Variants in SCFD2 observed in about 807,000 individuals in gnomAD.
The protein encoded by SCFD2 is sec1 family domain-containing protein 2.
Under a neutral mutation model 58.9 loss-of-function variants are expected in SCFD2, and 54 were observed. The ratio of observed to expected loss-of-function variants is 0.92; its 90% CI spans 0.74 to 1.15. SCFD2 has a LOEUF of 1.15. Among genes scored for constraint, SCFD2 ranks in the 50% most tolerant of loss-of-function variants. The pLI, the probability that SCFD2 is intolerant of heterozygous loss-of-function variation, is 0.00. For synonymous variants in SCFD2, 321 were observed against 335.9 expected (o/e 0.96, Z 0.49); for missense variants, 805 against 836.6 (o/e 0.96, Z 0.47).
At chr4:53,138,254 A>G (rs1726002632) in intron 5 of SCFD2, among the ~76,000 whole-genome samples, 1 of 152,194 alleles carries the variant, frequency 6.6e-6, no homozygotes, top group South Asian at 2.1e-4. Context: ...TCAAGGATGG[A>G]TGATTTGCCC....
At chr4:53,137,964 C>G (rs73143436) in intron 5 of SCFD2, among the ~76,000 whole-genome samples, 1,761 of 152,254 alleles carry the variant, frequency 0.012, 45 homozygotes, top group African/African-American at 0.04. Context: ...CTAGACTGGC[C>G]AGAGCCCCCA....
chr4:53,041,448 ATTACAT>A (rs1328552529), intron 5 of SCFD2, among the ~76,000 whole-genome samples: 1 of 152,222 alleles, frequency 6.6e-6, no homozygotes, highest in Non-Finnish European at 1.5e-5. Context: ...ATAAATCAAC[ATTACAT>A]TTACCTGTTT....
intron 4 of SCFD2, among the ~76,000 whole-genome samples, chr4:53,233,462 T>C (rs1419374366): frequency 6.6e-6 from 1 of 152,216 alleles, no homozygotes; most frequent in Non-Finnish European, 1.5e-5. Flanking sequence ...AGTAAACCCA[T>C]GAAATGGTAA....
intron 5 of SCFD2, among the ~76,000 whole-genome samples, chr4:52,984,378 C>T (rs1443579493): frequency 6.6e-6 from 1 of 152,144 alleles, no homozygotes; most frequent in African/African-American, 2.4e-5. Context: ...AACACTGTGC[C>T]ACAAAGCCAT....
At chr4:53,299,505 C>G (rs1177517797) in intron 3 of SCFD2, among the ~76,000 whole-genome samples, 1 of 152,122 alleles carries the variant, frequency 6.6e-6, no homozygotes, top group African/African-American at 2.4e-5. Flanking sequence ...AGAATGGAAC[C>G]AAGTTGGAAA....
At chr4:53,049,677 G>A (rs1723136273) in intron 5 of SCFD2, among the ~76,000 whole-genome samples, 2 of 152,110 alleles carry the variant, frequency 1.3e-5, no homozygotes, top group Non-Finnish European at 2.9e-5. Flanking sequence ...TGAATGGAAG[G>A]CATGCATCAG....
intron 4 of SCFD2, among the ~76,000 whole-genome samples, chr4:53,222,049 G>C (rs567418208): frequency 3.7e-4 from 57 of 152,264 alleles, no homozygotes; most frequent in South Asian, 8.3e-4. Context: ...TTTTCCATTA[G>C]GCTTATGACT....
chr4:53,108,390 G>C (rs899385306), intron 5 of SCFD2, among the ~76,000 whole-genome samples: 1 of 152,002 alleles, frequency 6.6e-6, no homozygotes, highest in African/African-American at 2.4e-5. Context: ...AGGAGATATA[G>C]AGACACGAAA....
At chr4:53,273,346 T>C (rs751952113) in intron 4 of SCFD2, among the ~76,000 whole-genome samples, 2 of 152,210 alleles carry the variant, frequency 1.3e-5, no homozygotes, top group Non-Finnish European at 2.9e-5. Context: ...CTATCCCACA[T>C]ACAAATATCT....
intron 5 of SCFD2, among the ~76,000 whole-genome samples, chr4:52,994,783 A>G (rs930808728): frequency 1.3e-5 from 2 of 152,206 alleles, no homozygotes; most frequent in African/African-American, 4.8e-5. Context: ...CTCATTAACA[A>G]CAGGAAAAAA....
chr4:53,212,575 C>CGTGTGTGTGTGTGTGT (rs72335886), intron 4 of SCFD2, among the ~76,000 whole-genome samples: 21 of 142,242 alleles, frequency 1.5e-4, no homozygotes, highest in Middle Eastern at 3.5e-3. Flanking sequence ...AAAGTGAGCA[C>CGTGTGTGTGTGTGTGT]GTGTGTGTGT....
chr4:52,971,860 T>A (rs889808980), intron 5 of SCFD2, among the ~76,000 whole-genome samples: 1 of 152,198 alleles, frequency 6.6e-6, no homozygotes, highest in Non-Finnish European at 1.5e-5. Context: ...GGGGCCAATA[T>A]TCAACATTCT....
Position 53,328,614 on chromosome 4 carries a change from G to A in SCFD2, c.1008-14851C>T, listed in dbSNP as rs183178182. Among the ~76,000 whole-genome samples the A allele has an allele frequency of 1.2e-3, 190 of 152,144 alleles. 3 individuals carry two copies. The highest frequency in any genetic ancestry group is 4.4e-4 in the Non-Finnish European group (30 of 68,002). On this transcript the variant is annotated intron_variant, in intron 2 of 8. Transcript: ENST00000401642. ...CATATATACAAACATACATACATGC[G>A]GAGAACAGACAGCTTTATCTTACCA...
intron 4 of SCFD2, among the ~76,000 whole-genome samples, chr4:53,178,871 G>A (rs112621689): frequency 4.3e-4 from 65 of 152,276 alleles, no homozygotes; most frequent in African/African-American, 1.5e-3. Flanking sequence ...CTCAGTAGCC[G>A]ATGCGATCAA....
intron 4 of SCFD2, among the ~76,000 whole-genome samples, chr4:53,249,825 G>A (rs564501808): frequency 5.3e-5 from 8 of 152,124 alleles, no homozygotes; most frequent in South Asian, 2.1e-4. Flanking sequence ...AGGAACAACC[G>A]GTACCAGCCA....
chr4:53,016,761 T>C (rs922471105), intron 5 of SCFD2, among the ~76,000 whole-genome samples: 4 of 152,178 alleles, frequency 2.6e-5, no homozygotes, highest in African/African-American at 9.7e-5. Flanking sequence ...CTTAGAGATC[T>C]TGAAGAAATA....
chr4:52,932,986 C>T (rs1337843635), intron 5 of SCFD2, among the ~76,000 whole-genome samples: 2 of 152,104 alleles, frequency 1.3e-5, no homozygotes, highest in Non-Finnish European at 2.9e-5. Flanking sequence ...GCCAGTGGGC[C>T]GTGGTGAGGA....
chr4:53,206,239 C>T (rs1476408445), intron 4 of SCFD2, among the ~76,000 whole-genome samples: 1 of 152,152 alleles, frequency 6.6e-6, no homozygotes, highest in Non-Finnish European at 1.5e-5. Flanking sequence ...TTGGGTCACA[C>T]ACAGACAGCA....
chr4:52,956,788 A>G (rs1395153471), intron 5 of SCFD2: 4 of 154,260 alleles, frequency 2.6e-5, no homozygotes, highest in Non-Finnish European at 5.7e-5. Flanking sequence ...GATTCTCAGA[A>G]GGAGGGCTGG....
Sources: allele counts gnomAD v4.1 joint callset (sites outside exome capture counted in the v4.1 genomes callset), GRCh38; gene constraint gnomAD v4.1.1; transcripts MANE v1.5; gene names NCBI Gene and HGNC (gene_info 2026-07-23, HGNC 2026-07-21).